ZRANB3: variants seen among roughly 807,000 people sequenced by gnomAD.
ZRANB3 encodes DNA annealing helicase and endonuclease ZRANB3.
In ZRANB3, 125 loss-of-function variants were observed where a neutral mutation model predicts 133.8. That is an observed-to-expected ratio of 0.93 (90% CI 0.81 to 1.08). The LOEUF is 1.08. Ranked by LOEUF, ZRANB3 falls within the 50% of genes least tolerant of loss-of-function variation. The probability of loss-of-function intolerance (pLI) is 0.00; values close to 1 mark genes in which losing one functional copy is unlikely to be tolerated. For missense variants in ZRANB3, 1,229 were observed against 1,275.5 expected, an observed-to-expected ratio of 0.96 and a Z score of 0.56; for synonymous variants, 387 against 432.7, an observed-to-expected ratio of 0.89 and a Z score of 1.31.
At chr2:135,485,213 C>CATAACATAAG in intron 2 of ZRANB3, among the ~76,000 whole-genome samples, 1 of 148,992 alleles carries the variant, frequency 6.7e-6, no homozygotes, top group South Asian at 2.1e-4. Context: ...CATAACATAA[C>CATAACATAAG]AGCCAAACAC....
At chr2:135,385,597 G>C (rs1686933534) in intron 3 of ZRANB3, among the ~76,000 whole-genome samples, 1 of 152,128 alleles carries the variant, frequency 6.6e-6, no homozygotes, top group African/African-American at 2.4e-5. Context: ...ATACTATAAG[G>C]CTACAGTAAC....
At chr2:135,406,877 C>G (rs943431824) in intron 2 of ZRANB3, among the ~76,000 whole-genome samples, 4 of 152,154 alleles carry the variant, frequency 2.6e-5, no homozygotes, top group African/African-American at 4.8e-5. Flanking sequence ...ACTGAATGGG[C>G]AAAAACTGGA....
At chr2:135,386,830 G>C (rs1203310238) in intron 3 of ZRANB3, among the ~76,000 whole-genome samples, 1 of 152,038 alleles carries the variant, frequency 6.6e-6, no homozygotes, top group Non-Finnish European at 1.5e-5. Context: ...CATCACACAC[G>C]GGGGCCTTTC....
At chr2:135,266,969 T>G (rs887755497) in intron 11 of ZRANB3, among the ~76,000 whole-genome samples, 4 of 152,088 alleles carry the variant, frequency 2.6e-5, no homozygotes, top group Non-Finnish European at 4.4e-5. Context: ...CTGGAACCAA[T>G]GCCTCCCTCC....
intron 12 of ZRANB3, among the ~76,000 whole-genome samples, chr2:135,261,231 A>G (rs1351108637): frequency 6.6e-6 from 1 of 152,156 alleles, no homozygotes; most frequent in Non-Finnish European, 1.5e-5. Flanking sequence ...ATTCATAGGA[A>G]AATTCCCGTT....
In ZRANB3 at chr2:135,489,973, A is replaced by C. The variant is rs1006660728; in HGVS notation, c.161+14356T>G. 5.3e-5 allele frequency among the ~76,000 whole-genome samples: 8 copies of C among 152,284 alleles called. No homozygotes were observed. In the South Asian group the frequency reaches 1.2e-3, roughly 24 times the overall value. On this transcript the variant is annotated intron_variant, in intron 2 of 20. Transcript: ENST00000264159. ...AAGAAAAATGTAAACTAGAAACTAA[A>C]AGAATATGGCACGTCCAAGAAAAAG...
chr2:135,393,248 A>T (rs999851639), intron 2 of ZRANB3, among the ~76,000 whole-genome samples: 1 of 152,234 alleles, frequency 6.6e-6, no homozygotes, highest in African/African-American at 2.4e-5. Flanking sequence ...AAAATTTATT[A>T]CATTCTTTGT....
intron 2 of ZRANB3, among the ~76,000 whole-genome samples, chr2:135,502,633 A>G (rs1693000949): frequency 6.6e-6 from 1 of 152,244 alleles, no homozygotes; most frequent in South Asian, 2.1e-4. Context: ...CTACTCCGCC[A>G]TAGTGAGAAG....
In ZRANB3 at chr2:135,269,157, C is replaced by A; in HGVS notation, c.1207-16G>T. 1.3e-6 allele frequency: 2 copies of A among 1,571,950 alleles called. No homozygotes were observed. The highest frequency in any genetic ancestry group is 1.2e-5 in the South Asian group (1 of 83,528). Reference sequence around the variant, plus strand: ...ATGTTAATCCCTAAGTGAAATAAAGCAAATAAATTGAGAATGTAACATACA... The same window carrying A: ...ATGTTAATCCCTAAGTGAAATAAAGAAAATAAATTGAGAATGTAACATACA... On this transcript the variant is annotated splice_polypyrimidine_tract_variant and intron_variant, in intron 10 of 20. Transcript: ENST00000264159.
At chr2:135,245,945 A>AAAAAAAAAAAAAAAAAAAAAAAAAG (rs1437529464) in intron 12 of ZRANB3, among the ~76,000 whole-genome samples, 4 of 146,574 alleles carry the variant, frequency 2.7e-5, no homozygotes, top group Non-Finnish European at 6.0e-5. Context: ...AAAAAAAAAA[A>AAAAAAAAAAAAAAAAAAAAAAAAAG]AAAGAGACAG....
chr2:135,350,339 T>G, intron 4 of ZRANB3, 124 bp from the exon 5 acceptor site: 1 of 628,136 alleles, frequency 1.6e-6, no homozygotes, highest in Non-Finnish European at 2.7e-6. Context: ...TAAAAGGAGA[T>G]GGTACTACTA....
chr2:135,511,791 T>A, intron 1 of ZRANB3: 1 of 761,888 alleles, frequency 1.3e-6, no homozygotes, highest in Non-Finnish European at 2.5e-6. Flanking sequence ...CTGCATCTGC[T>A]AGCTTTCTAT....
chr2:135,512,546 T>G (rs981808641), intron 1 of ZRANB3, among the ~76,000 whole-genome samples: 2 of 151,832 alleles, frequency 1.3e-5, no homozygotes, highest in East Asian at 3.9e-4. Flanking sequence ...AAAAGATTCC[T>G]ATATTAAATT....
At chr2:135,258,410 C>A (rs902269447) in intron 12 of ZRANB3, among the ~76,000 whole-genome samples, 3 of 152,186 alleles carry the variant, frequency 2.0e-5, no homozygotes, top group Non-Finnish European at 4.4e-5. Context: ...AGCCTGCCCT[C>A]TCCTGTTCCT....
Position 135,518,414 on chromosome 2 carries a change from G to A in ZRANB3, c.-8+12713C>T, listed in dbSNP as rs1051930347. ...GGTACCCTAGGGAATCTCCTGGTCTGTGGGTTACGAAGCCCATGGGAAAAG... is the reference window on the plus strand; with the variant it reads ...GGTACCCTAGGGAATCTCCTGGTCTATGGGTTACGAAGCCCATGGGAAAAG... On this transcript the variant is annotated intron_variant, in intron 1 of 20. Transcript: ENST00000264159. 8.5e-5 allele frequency among the ~76,000 whole-genome samples: 13 copies of A among 152,278 alleles called. No homozygotes were observed. The South Asian group carries it at 2.7e-3, about 32-fold the overall frequency.
Position 135,230,610 on chromosome 2 carries a change from G to C in ZRANB3, c.1857C>G (p.Ala619=), listed in dbSNP as rs1469743563. The C allele has an allele frequency of 6.2e-7, 1 of 1,612,856 alleles. No homozygotes were observed. The highest frequency in any genetic ancestry group is 2.2e-5 in the East Asian group (1 of 44,876). The change falls in exon 13 of 21, where the codon GCC becomes GCG. Residue 619 remains alanine (A), a synonymous_variant. Coordinates refer to ENST00000264159, the MANE Select transcript of ZRANB3 (RefSeq NM_032143.4). Reference sequence around the variant, plus strand: ...TACATTGCCAGCCCTCTACAGGAAAGGCTGGGGTGGTTAACTGGGCCTTGG... The same window carrying C: ...TACATTGCCAGCCCTCTACAGGAAACGCTGGGGTGGTTAACTGGGCCTTGG... ...QEAKAQLTTP[A]FPVEGWQCSL...
intron 2 of ZRANB3, among the ~76,000 whole-genome samples, chr2:135,442,910 G>T: frequency 6.6e-6 from 1 of 152,028 alleles, no homozygotes; most frequent in East Asian, 1.9e-4. Flanking sequence ...AGGTCAGGAA[G>T]TCGAGACCAT....
chr2:135,285,722 CT>C (rs1681324493), intron 8 of ZRANB3, among the ~76,000 whole-genome samples: 1 of 152,184 alleles, frequency 6.6e-6, no homozygotes, highest in African/African-American at 2.4e-5. Flanking sequence ...AGAAAAATAA[CT>C]GGCATTTCTC....
chr2:135,251,437 G>A (rs1355650835), intron 12 of ZRANB3, among the ~76,000 whole-genome samples: 3 of 152,064 alleles, frequency 2.0e-5, no homozygotes, highest in Non-Finnish European at 4.4e-5. Flanking sequence ...AGATTTGGAG[G>A]GGCCAGGGGC....
Sources: allele counts gnomAD v4.1 joint callset (sites outside exome capture counted in the v4.1 genomes callset), GRCh38; gene constraint gnomAD v4.1.1; transcripts MANE v1.5; gene names NCBI Gene and HGNC (gene_info 2026-07-23, HGNC 2026-07-21).